The following NRXN1 variants were observed in gnomAD, a reference collection of about 807,000 sequenced individuals.
NRXN1 encodes the protein neurexin 1.
A neutral mutation model predicts 150.9 loss-of-function variants in NRXN1; 39 were observed. That is an observed-to-expected ratio of 0.26 (90% confidence interval 0.20 to 0.34). The LOEUF (loss-of-function observed/expected upper bound fraction) is 0.34, where lower values mean the gene tolerates loss of function less well. NRXN1 is among the 10% of genes least tolerant of loss of function. NRXN1 has a pLI of 1.00. For missense variants in NRXN1, 1,815 were observed against 1,949.9 expected, an observed-to-expected ratio of 0.93 and a Z score of 1.30; for synonymous variants, 924 against 757.0, an observed-to-expected ratio of 1.22 and a Z score of -3.62.
At chr2:50,019,602 A>G (rs1028266015) in intron 21 of NRXN1, among the ~76,000 whole-genome samples, 4 of 115,698 alleles carry the variant, frequency 3.5e-5, no homozygotes, top group African/African-American at 1.4e-4. Flanking sequence ...AGATGCTGCC[A>G]TTGCACTCCA....
chr2:50,137,419 T>C (rs1240666140), intron 18 of NRXN1, among the ~76,000 whole-genome samples: 2 of 152,090 alleles, frequency 1.3e-5, no homozygotes, highest in Non-Finnish European at 2.9e-5. Flanking sequence ...CATGGATAGA[T>C]TAAGTCACTG....
At chr2:51,010,115 G>A (rs1667612095) in intron 2 of NRXN1, among the ~76,000 whole-genome samples, 1 of 151,888 alleles carries the variant, frequency 6.6e-6, no homozygotes, top group African/African-American at 2.4e-5. Flanking sequence ...CATATAATGG[G>A]TCTCATCTTC....
At chr2:50,366,154 T>TC (rs1193354106) in intron 17 of NRXN1, among the ~76,000 whole-genome samples, 1 of 128,156 alleles carries the variant, frequency 7.8e-6, no homozygotes, top group Non-Finnish European at 1.6e-5. Context: ...GCTGGACACT[T>TC]TTTTTTTTTT....
At chr2:50,267,413 AG>A (rs1266598984) in intron 17 of NRXN1, among the ~76,000 whole-genome samples, 1 of 152,228 alleles carries the variant, frequency 6.6e-6, no homozygotes, top group African/African-American at 2.4e-5. Context: ...ATTTCTTCAA[AG>A]TAAGAAAGAA....
At position 49,988,910 on chromosome 2, in the gene NRXN1, C is replaced by A. The variant is rs565883961; in HGVS notation, c.4129-45119G>T. Among the ~76,000 whole-genome samples, 28 of 152,264 alleles carry A rather than the reference C, an allele frequency of 1.8e-4. No homozygotes were observed. The East Asian group carries it at 5.4e-3, about 29-fold the overall frequency. ...TTATTTTAAAAATTAAAACTCTCAT[C>A]AGTTGAAAACTATATCCAACAGAAA... is the stretch of plus-strand genomic sequence containing the variant. On this transcript the variant is annotated intron_variant, in intron 21 of 22. Transcript: ENST00000401669.
intron 17 of NRXN1, among the ~76,000 whole-genome samples, chr2:50,384,473 T>C (rs2081180389): frequency 7.5e-6 from 1 of 134,076 alleles, no homozygotes; most frequent in African/African-American, 2.9e-5. Flanking sequence ...GCCACTGCAC[T>C]TCAGCCTGAA....
At chr2:50,142,083 G>C (rs1707352268) in intron 18 of NRXN1, among the ~76,000 whole-genome samples, 1 of 152,162 alleles carries the variant, frequency 6.6e-6, no homozygotes, top group African/African-American at 2.4e-5. Context: ...AATGGATAAA[G>C]AAGTGGTGGT....
chr2:50,083,806 G>C (rs1165642997), intron 19 of NRXN1, among the ~76,000 whole-genome samples: 1 of 152,146 alleles, frequency 6.6e-6, no homozygotes, highest in Admixed American at 6.5e-5. Context: ...AGATAAGCTA[G>C]ATACAGAGTG....
chr2:50,613,157 A>C (rs1439656355), intron 8 of NRXN1, among the ~76,000 whole-genome samples: 1 of 152,158 alleles, frequency 6.6e-6, no homozygotes, highest in East Asian at 1.9e-4. Flanking sequence ...TAGAAAAAAA[A>C]TTTCTTTCTA....
chr2:50,506,308 A>G (rs75487053), intron 13 of NRXN1, among the ~76,000 whole-genome samples, 187 bp downstream of exon 13: 1 of 152,260 alleles, frequency 6.6e-6, no homozygotes, highest in East Asian at 1.9e-4. Context: ...AAAATGTGTC[A>G]TTTTTGAGGA....
At chr2:50,447,479 CAAAAAAAAAAAAAA>C (rs35878890) in intron 17 of NRXN1, among the ~76,000 whole-genome samples, 2 of 38,552 alleles carry the variant, frequency 5.2e-5, no homozygotes, top group African/African-American at 2.1e-4. Flanking sequence ...GACTCTGTCT[CAAAAAAAAAAAAAA>C]AAAAAAAAAA....
chr2:50,736,936 G>A (rs1441063979), intron 5 of NRXN1, among the ~76,000 whole-genome samples: 1 of 152,068 alleles, frequency 6.6e-6, no homozygotes, highest in African/African-American at 2.4e-5. Context: ...TGAATAAATG[G>A]ATATTATAGT....
At chr2:50,341,654 G>A (rs2077556883) in intron 17 of NRXN1, among the ~76,000 whole-genome samples, 1 of 152,148 alleles carries the variant, frequency 6.6e-6, no homozygotes, top group Non-Finnish European at 1.5e-5. Flanking sequence ...TTAAATCACT[G>A]AATTCCTATC....
intron 5 of NRXN1, among the ~76,000 whole-genome samples, chr2:50,842,738 CT>C (rs1428596485): frequency 2.6e-5 from 4 of 152,098 alleles, no homozygotes; most frequent in Non-Finnish European, 4.4e-5. Flanking sequence ...CATGGGATGA[CT>C]TTTCATAGAA....
At chr2:50,536,054 T>C (rs1049310255) in intron 10 of NRXN1, among the ~76,000 whole-genome samples, 1 of 152,212 alleles carries the variant, frequency 6.6e-6, no homozygotes, top group Non-Finnish European at 1.5e-5. Context: ...CAAAGCCCCC[T>C]GTTTTAAATT....
intron 5 of NRXN1, among the ~76,000 whole-genome samples, chr2:50,886,647 T>C (rs1314658467): frequency 6.6e-6 from 1 of 151,410 alleles, no homozygotes; most frequent in Non-Finnish European, 1.5e-5. Flanking sequence ...TCAATAGTCA[T>C]TTGTGTGACT....
chr2:50,420,205 C>A (rs1043205706), intron 17 of NRXN1, among the ~76,000 whole-genome samples: 1 of 151,950 alleles, frequency 6.6e-6, no homozygotes, highest in Non-Finnish European at 1.5e-5. Flanking sequence ...AAAGGCAATT[C>A]AAATCAAAGT....
At chr2:49,925,262 A>G (rs1668895063) in intron 22 of NRXN1, among the ~76,000 whole-genome samples, 1 of 149,034 alleles carries the variant, frequency 6.7e-6, no homozygotes, top group Non-Finnish European at 1.5e-5. Flanking sequence ...CTGGCAACAG[A>G]GCGAGACACT....
At chr2:50,753,533 G>T (rs1256500159) in intron 5 of NRXN1, among the ~76,000 whole-genome samples, 1 of 151,838 alleles carries the variant, frequency 6.6e-6, no homozygotes, top group African/African-American at 2.4e-5. Flanking sequence ...GAAAACCTCA[G>T]GGACTCTGTC....
Sources: gnomAD v4.1 joint callset for allele counts (sites outside exome capture counted in the v4.1 genomes callset) on GRCh38, gnomAD v4.1.1 for gene constraint, MANE v1.5 for transcripts, NCBI Gene and HGNC (gene_info 2026-07-23, HGNC 2026-07-21) for gene names.